Variants in CFAP299 observed in about 807,000 individuals in gnomAD.
The protein encoded by CFAP299 is cilia- and flagella-associated protein 299.
Under a neutral mutation model 27.0 loss-of-function variants are expected in CFAP299, and 21 were observed. That is an observed-to-expected ratio of 0.78 (90% CI 0.55 to 1.12). The LOEUF (loss-of-function observed/expected upper bound fraction) is 1.12. Ranked by LOEUF, CFAP299 falls within the 50% of genes most tolerant of loss-of-function variation. The pLI is 0.00. For synonymous variants in CFAP299, 104 were observed against 98.1 expected (o/e 1.06, Z -0.36); for missense variants, 310 against 276.6 (o/e 1.12, Z -0.86).
chr4:80,827,659 A>AT (rs1286194527), intron 3 of CFAP299, among the ~76,000 whole-genome samples: 1 of 151,978 alleles, frequency 6.6e-6, no homozygotes, highest in East Asian at 1.9e-4. Context: ...AGATGCTGAC[A>AT]TTCACCACTT....
chr4:80,877,701 A>G (rs1042709740), intron 4 of CFAP299, among the ~76,000 whole-genome samples: 1 of 152,190 alleles, frequency 6.6e-6, no homozygotes, highest in African/African-American at 2.4e-5. Context: ...TTTCAGTTTA[A>G]CCGTTTAAAG....
chr4:80,875,016 T>C (rs1463958287), intron 4 of CFAP299, among the ~76,000 whole-genome samples: 2 of 152,200 alleles, frequency 1.3e-5, no homozygotes, highest in Non-Finnish European at 2.9e-5. Flanking sequence ...TAATTTTACC[T>C]ATTTCTTTTT....
chr4:80,937,032 G>T (rs1383460592), intron 4 of CFAP299, among the ~76,000 whole-genome samples: 1 of 151,948 alleles, frequency 6.6e-6, no homozygotes, highest in African/African-American at 2.4e-5. Context: ...TCTATCCAAT[G>T]ATATAAGTGG....
chr4:80,938,204 C>A (rs912868828), intron 4 of CFAP299, among the ~76,000 whole-genome samples: 1 of 152,050 alleles, frequency 6.6e-6, no homozygotes, highest in African/African-American at 2.4e-5. Flanking sequence ...GGGAACAGGC[C>A]CCCCAAAATC....
intron 3 of CFAP299, among the ~76,000 whole-genome samples, chr4:80,642,061 G>T (rs1251932957): frequency 6.6e-6 from 1 of 152,188 alleles, no homozygotes; most frequent in Non-Finnish European, 1.5e-5. Flanking sequence ...CATTTAGTCT[G>T]GCCTTAAAGG....
intron 2 of CFAP299, among the ~76,000 whole-genome samples, chr4:80,550,405 T>C (rs1734441574): frequency 6.6e-6 from 1 of 152,096 alleles, no homozygotes; most frequent in Non-Finnish European, 1.5e-5. Context: ...TCAACCTCTC[T>C]TCCCTATATT....
At chr4:80,484,614 C>T (rs1485377311) in intron 2 of CFAP299, among the ~76,000 whole-genome samples, 1 of 151,970 alleles carries the variant, frequency 6.6e-6, no homozygotes, top group African/African-American at 2.4e-5. Flanking sequence ...CTAAAAACAT[C>T]TAAATCATAT....
At chr4:80,835,345 G>A (rs778741640) in intron 3 of CFAP299, among the ~76,000 whole-genome samples, 4 of 152,048 alleles carry the variant, frequency 2.6e-5, no homozygotes, top group Admixed American at 6.6e-5. Context: ...TGATCCGCCC[G>A]CCTCGGCCTG....
chr4:80,404,905 A>G (rs970560908), intron 2 of CFAP299, among the ~76,000 whole-genome samples: 3 of 152,174 alleles, frequency 2.0e-5, no homozygotes, highest in Non-Finnish European at 4.4e-5. Context: ...CCAACAGTGC[A>G]CAAGTGTTCC....
At chr4:80,440,329 C>T (rs965923247) in intron 2 of CFAP299, among the ~76,000 whole-genome samples, 1 of 149,854 alleles carries the variant, frequency 6.7e-6, no homozygotes, top group Non-Finnish European at 1.5e-5. Flanking sequence ...GCGGGTGCCC[C>T]TCTGGGACGA....
intron 2 of CFAP299, among the ~76,000 whole-genome samples, chr4:80,491,713 A>G (rs1294451623): frequency 2.0e-5 from 3 of 152,116 alleles, no homozygotes; most frequent in African/African-American, 7.2e-5. Context: ...TTATTTAACC[A>G]TATATATCAT....
At chr4:80,856,415 C>G (rs1560447481) in intron 3 of CFAP299, among the ~76,000 whole-genome samples, 1 of 151,516 alleles carries the variant, frequency 6.6e-6, no homozygotes, top group African/African-American at 2.4e-5. Flanking sequence ...TAATTAGATC[C>G]CATTTGTCAA....
intron 1 of CFAP299, among the ~76,000 whole-genome samples, chr4:80,361,805 A>C (rs1723560337): frequency 6.6e-6 from 1 of 152,184 alleles, no homozygotes; most frequent in Admixed American, 6.5e-5. Flanking sequence ...TAGACATCTT[A>C]AGTTTTCTCC....
intron 2 of CFAP299, chr4:80,386,797 C>A (rs1578383423): frequency 4.7e-6 from 5 of 1,067,618 alleles, no homozygotes; most frequent in Non-Finnish European, 7.3e-6. Context: ...TTGTGTGCGT[C>A]GATAAAGGGC....
Position 80,870,022 on chromosome 4 carries a change from T to C in CFAP299, c.363T>C (p.Ser121=). The C allele has an allele frequency of 1.2e-6, 2 of 1,612,856 alleles. No homozygotes were observed. The highest frequency in any genetic ancestry group is 2.2e-5 in the South Asian group (2 of 90,836). The change falls in exon 4 of 6, where the codon TCT becomes TCC. Residue 121 remains serine, a synonymous_variant. Transcript: ENST00000358105. ...TGATCTTTATTCGTGACAGAAATTCTCATGGGCAAGAGATATCAGGATACA... is the reference window on the plus strand; with the variant it reads ...TGATCTTTATTCGTGACAGAAATTCCCATGGGCAAGAGATATCAGGATACA... ...SSVIFIRDRN[S]HGQEISGYID...
At chr4:80,433,976 C>T (rs1485164957) in intron 2 of CFAP299, among the ~76,000 whole-genome samples, 4 of 152,152 alleles carry the variant, frequency 2.6e-5, no homozygotes, top group Non-Finnish European at 5.9e-5. Flanking sequence ...GTGCTCAATA[C>T]AACTTTTTAA....
intron 3 of CFAP299, among the ~76,000 whole-genome samples, chr4:80,755,695 A>T (rs185897404): frequency 2.0e-5 from 3 of 152,260 alleles, no homozygotes; most frequent in African/African-American, 7.2e-5. Flanking sequence ...ATTCCTGTGC[A>T]AGGAGCAGTG....
At chr4:80,879,235 T>G (rs923531052) in intron 4 of CFAP299, among the ~76,000 whole-genome samples, 4 of 152,158 alleles carry the variant, frequency 2.6e-5, no homozygotes, top group African/African-American at 9.6e-5. Flanking sequence ...GAAGAATTTG[T>G]GCAGTGGTCC....
Position 80,466,595 on chromosome 4 carries a change from A to G in CFAP299, c.242+103711A>G, listed in dbSNP as rs185665650. 4.1e-3 allele frequency among the ~76,000 whole-genome samples: 619 copies of G among 152,308 alleles called. 6 individuals carry two copies. The highest frequency in any genetic ancestry group is 5.3e-3 in the Non-Finnish European group (360 of 68,008). On this transcript the variant is annotated intron_variant, in intron 2 of 5. Coordinates refer to ENST00000358105, the MANE Select transcript of CFAP299 (RefSeq NM_152770.3). ...CACTAAAACGATGGTAAAAATGGCC[A>G]TGGAAGCCTTCCACACTTGGACGAA...
Sources: allele counts gnomAD v4.1 joint callset (sites outside exome capture counted in the v4.1 genomes callset), GRCh38; gene constraint gnomAD v4.1.1; transcripts MANE v1.5; gene names NCBI Gene and HGNC (gene_info 2026-07-23, HGNC 2026-07-21).